SERPINI1: variants seen among roughly 807,000 people sequenced by gnomAD.
SERPINI1 encodes serpin family I member 1, also known as neuroserpin.
In SERPINI1, 19 loss-of-function variants were observed where a neutral mutation model predicts 41.1. The observed-to-expected ratio is 0.46, with a 90% CI of 0.32 to 0.68. SERPINI1 has a LOEUF of 0.68. Among genes scored for constraint, SERPINI1 ranks in the 30% least tolerant of loss-of-function variants. SERPINI1 has a pLI of 0.03. For synonymous variants in SERPINI1, 138 were observed against 156.6 expected (o/e 0.88, Z 0.89); for missense variants, 460 against 479.2 (o/e 0.96, Z 0.37).
rs146272997 is a variant in SERPINI1 at position 167,790,096 on chromosome 3, T to C, written c.251-276T>C. Among the ~76,000 whole-genome samples the C allele has an allele frequency of 3.0e-3, 451 of 152,294 alleles. 2 individuals carry two copies. Among genetic ancestry groups the C allele is most frequent in the African/African-American group, 0.01 (434 of 41,564 alleles). On this transcript the variant is annotated intron_variant, in intron 2 of 8. Transcript: ENST00000446050. The stretch of plus-strand genomic sequence containing the variant: ...GAAGTTTAATTTCATCAAAGTAACC[T>C]AGTAATTTGGAAGAAAACAGTCTCT...
chr3:167,744,394 G>T (rs556669100), intron 1 of SERPINI1, among the ~76,000 whole-genome samples: 5 of 151,138 alleles, frequency 3.3e-5, no homozygotes, highest in Admixed American at 6.6e-5. Flanking sequence ...CTCAAATAGG[G>T]ATTTGAAGCT....
Position 167,792,790 on chromosome 3 carries a change from A to G in SERPINI1, c.676+6A>G, listed in dbSNP as rs1275063114. 2 of 1,610,850 alleles carry G rather than the reference A, an allele frequency of 1.2e-6. No homozygotes were observed. The highest frequency in any genetic ancestry group is 1.1e-5 in the South Asian group (1 of 90,990). On this transcript the variant is annotated splice_donor_region_variant and intron_variant, in intron 4 of 8. Transcript: ENST00000446050. ...GCAAGGAGAATTTTATTATGGTAAG[A>G]CATTTTTTGCTTTTATTTCTCTCTT...
chr3:167,818,018 G>T (rs999862801), intron 6 of SERPINI1, among the ~76,000 whole-genome samples: 9 of 151,426 alleles, frequency 5.9e-5, no homozygotes, highest in East Asian at 1.9e-4. Context: ...AAATATTTTG[G>T]TTGTTTGTTT....
intron 1 of SERPINI1, among the ~76,000 whole-genome samples, chr3:167,778,372 T>A (rs1216804598): frequency 6.6e-6 from 1 of 152,194 alleles, no homozygotes; most frequent in Non-Finnish European, 1.5e-5. Flanking sequence ...AAATTTGCCT[T>A]CCTGAGATCA....
chr3:167,775,969 GA>G (rs928473557), intron 1 of SERPINI1, among the ~76,000 whole-genome samples: 223 of 150,088 alleles, frequency 1.5e-3, no homozygotes, highest in Non-Finnish European at 2.7e-3. Context: ...AAAAAAAAGC[GA>G]AAAAAAAATA....
chr3:167,753,878 C>A (rs993621112), intron 1 of SERPINI1, among the ~76,000 whole-genome samples: 5 of 152,190 alleles, frequency 3.3e-5, no homozygotes, highest in African/African-American at 1.2e-4. Flanking sequence ...GCTACTGTCT[C>A]TCTTCTGGTA....
chr3:167,790,236 T>C (rs1727453991), intron 2 of SERPINI1, 136 bp from the exon 3 acceptor site: 2 of 681,366 alleles, frequency 2.9e-6, no homozygotes, highest in Admixed American at 4.6e-5. Context: ...CATATCAATG[T>C]GGGGGAAAGC....
intron 1 of SERPINI1, among the ~76,000 whole-genome samples, chr3:167,741,065 CGA>C (rs1725663242): frequency 6.6e-6 from 1 of 152,072 alleles, no homozygotes; most frequent in Non-Finnish European, 1.5e-5. Flanking sequence ...TCATGAAGAA[CGA>C]ATGAGTTTTG....
chr3:167,795,871 G>T (rs1727693466), intron 5 of SERPINI1, among the ~76,000 whole-genome samples: 1 of 152,050 alleles, frequency 6.6e-6, no homozygotes, highest in Non-Finnish European at 1.5e-5. Context: ...TAAACACGTA[G>T]AACATGTTTA....
intron 1 of SERPINI1, among the ~76,000 whole-genome samples, chr3:167,748,539 A>G (rs1725935267): frequency 6.6e-6 from 1 of 152,226 alleles, no homozygotes; most frequent in Non-Finnish European, 1.5e-5. Context: ...TTCAAGAGGG[A>G]AAAAGTAAAT....
At chr3:167,819,376 T>C (rs1166239686) in intron 6 of SERPINI1, among the ~76,000 whole-genome samples, 1 of 134,150 alleles carries the variant, frequency 7.5e-6, no homozygotes, top group African/African-American at 3.5e-5. Context: ...TAACACAATT[T>C]AAATTTTTCT....
At chr3:167,738,779 A>C (rs1258479861) in intron 1 of SERPINI1, among the ~76,000 whole-genome samples, 1 of 150,854 alleles carries the variant, frequency 6.6e-6, no homozygotes, top group African/African-American at 2.4e-5. Flanking sequence ...ATAAATATTC[A>C]AAATCTAATG....
intron 1 of SERPINI1, among the ~76,000 whole-genome samples, chr3:167,737,088 G>C (rs918678521): frequency 6.6e-6 from 1 of 151,586 alleles, no homozygotes; most frequent in East Asian, 1.9e-4. Context: ...CTGAGTTCTC[G>C]GGATTTTAAA....
chr3:167,771,847 GCGCGCA>G lies in SERPINI1; in HGVS notation c.-18-17254_-18-17249del, dbSNP rs1235455033. Among the ~76,000 whole-genome samples the G allele has an allele frequency of 2.7e-5, 4 of 149,808 alleles. No homozygotes were observed. The East Asian group carries it at 7.7e-4, about 29-fold the overall frequency. On this transcript the variant is annotated intron_variant, in intron 1 of 8. Transcript: ENST00000446050. Reference sequence around the variant, plus strand: ...TGTGTGTGTGCGCGTGTGTGTGTGTGCGCGCACGCGCACGCACATGCACACATGGAA... The same window carrying G: ...TGTGTGTGTGCGCGTGTGTGTGTGTGCGCGCACGCACATGCACACATGGAA...
chr3:167,751,124 A>T (rs908806817), intron 1 of SERPINI1, among the ~76,000 whole-genome samples: 3 of 152,134 alleles, frequency 2.0e-5, no homozygotes, highest in Admixed American at 6.6e-5. Context: ...TTTCTGTCTC[A>T]CCTCCTGCCA....
At chr3:167,744,738 T>TTA (rs1164253701) in intron 1 of SERPINI1, among the ~76,000 whole-genome samples, 19 of 124,882 alleles carry the variant, frequency 1.5e-4, no homozygotes, top group South Asian at 1.3e-3. Context: ...AATATATATA[T>TTA]TATATATAAC....
intron 1 of SERPINI1, among the ~76,000 whole-genome samples, chr3:167,768,979 C>CG (rs1726653321): frequency 1.6e-5 from 2 of 127,358 alleles, no homozygotes; most frequent in African/African-American, 5.8e-5. Flanking sequence ...TAATTTTGTT[C>CG]TTTTGTTTGT....
At chr3:167,762,236 T>C (rs2108540632) in intron 1 of SERPINI1, among the ~76,000 whole-genome samples, 1 of 152,188 alleles carries the variant, frequency 6.6e-6, no homozygotes, top group Middle Eastern at 3.4e-3. Context: ...TGCCTCTGCT[T>C]GTGTTCTAGA....
In SERPINI1 at chr3:167,790,694, T is replaced by C. The variant is rs929473293; in HGVS notation, c.481+92T>C. 5.1e-6 allele frequency: 5 copies of C among 979,576 alleles called. No homozygotes were observed. The African/African-American group carries it at 8.1e-5, about 16-fold the overall frequency. The allele number at this position is 979,576 out of a possible 1,614,324, so 60.7% of individuals were successfully genotyped here. A position where few individuals can be genotyped will look rare whatever the true frequency, so the allele number is the denominator to read the frequency against. On this transcript the variant is annotated intron_variant, in intron 3 of 8. Coordinates refer to ENST00000446050, the MANE Select transcript of SERPINI1 (RefSeq NM_001122752.2). ...TTTCCTCCTTGTTCCTTTTGCATTT[T>C]GAATGTTTGAGAGCATTTAGTTGGG...
Sources: gnomAD v4.1 joint callset for allele counts (sites outside exome capture counted in the v4.1 genomes callset) on GRCh38, gnomAD v4.1.1 for gene constraint, MANE v1.5 for transcripts, NCBI Gene and HGNC (gene_info 2026-07-23, HGNC 2026-07-21) for gene names.